Variants in MTREX observed in about 807,000 individuals in gnomAD.
MTREX encodes Mtr4 exosome RNA helicase, also known as exosome RNA helicase MTR4.
MTREX carries 76 observed loss-of-function variants against 135.4 expected under a neutral mutation model. That is an observed-to-expected ratio of 0.56 (90% CI 0.47 to 0.68). MTREX has a LOEUF of 0.68. MTREX is among the 30% of genes least tolerant of loss of function. The pLI, the probability that MTREX is intolerant of heterozygous loss-of-function variation, is 0.00. For synonymous variants in MTREX, 404 were observed against 401.6 expected (o/e 1.01, Z -0.07); for missense variants, 920 against 1,262.1 (o/e 0.73, Z 4.11).
chr5:55,333,863 AG>A (rs778879755), intron 5 of MTREX, among the ~76,000 whole-genome samples: 22 of 152,150 alleles, frequency 1.4e-4, no homozygotes, highest in Non-Finnish European at 2.9e-4. Context: ...GTACCCCCAA[AG>A]AATTGATAAC....
rs181188186 is a variant in MTREX at position 55,383,142 on chromosome 5, A to G, written c.2052+3947A>G. The stretch of plus-strand genomic sequence containing the variant: ...TACTGCCAAGATACTATATTTTGGT[A>G]TGTTACAGGCTCAATAATATAATGT... On this transcript the variant is annotated intron_variant, in intron 18 of 26. Transcript: ENST00000230640. Among the ~76,000 whole-genome samples the G allele has an allele frequency of 1.0e-3, 159 of 152,302 alleles. 1 individual carries two copies. Among genetic ancestry groups the G allele is most frequent in the African/African-American group, 3.7e-3 (153 of 41,562 alleles).
chr5:55,387,981 C>G lies in MTREX; in HGVS notation c.2060C>G (p.Ser687Cys). 2 of 1,590,076 alleles carry G rather than the reference C, an allele frequency of 1.3e-6. No homozygotes were observed. Among genetic ancestry groups the G allele is most frequent in the Non-Finnish European group, 8.6e-7 (1 of 1,164,444 alleles). ...FSKKSNVKPN[S>C]GELDPLYVVE... Reference sequence around the variant, plus strand: ...TTCTGTTTTGTTTTTTAGCCTAACTCTGGTGAACTGGATCCTTTGTATGTA... The same window carrying G: ...TTCTGTTTTGTTTTTTAGCCTAACTGTGGTGAACTGGATCCTTTGTATGTA... The change falls in exon 19 of 27, where the codon TCT (serine) becomes TGT (cysteine). Residue 687 changes from serine (S) to cysteine (C), a missense_variant. By Grantham distance (112) the Ser-to-Cys change is moderately radical. This residue lies in a region of MTREX where 467 missense variants were observed against 589.7 expected (regional missense o/e 0.79). Transcript: ENST00000230640.
At position 55,425,178 on chromosome 5, in the gene MTREX, C is replaced by A; in HGVS notation, c.*406C>A. ...AATCATTTTCCTTTAGAAAACAGGC[C>A]AGCTTCACCTGGGCACCCTGCTGCC... On this transcript the variant is annotated 3_prime_UTR_variant, in exon 27 of 27. Coordinates refer to ENST00000230640, the MANE Select transcript of MTREX (RefSeq NM_015360.5). The A allele has an allele frequency of 6.3e-7, 1 of 1,596,798 alleles. No individual in the cohort carries two copies.
In MTREX at chr5:55,344,437, T is replaced by G. The variant is rs900365137; in HGVS notation, c.907-85T>G. ...GAAATGTTGAATTCATTACTTGATT[T>G]TCTTAAGATCTTTTAGGTTGGACTA... On this transcript the variant is annotated intron_variant, in intron 8 of 26. Transcript: ENST00000230640. 1.1e-5 allele frequency: 9 copies of G among 847,166 alleles called. No homozygotes were observed. In the Middle Eastern group the frequency reaches 7.5e-4, roughly 71 times the overall value. The allele number at this position is 847,166 out of a possible 1,614,324, so 52.5% of individuals were successfully genotyped here.
At chr5:55,384,951 G>A (rs1750454120) in intron 18 of MTREX, among the ~76,000 whole-genome samples, 2 of 152,126 alleles carry the variant, frequency 1.3e-5, no homozygotes, top group South Asian at 2.1e-4. Flanking sequence ...GTACAATTTA[G>A]CCTATATCTC....
At chr5:55,387,137 T>C (rs1403429281) in intron 18 of MTREX, among the ~76,000 whole-genome samples, 2 of 152,110 alleles carry the variant, frequency 1.3e-5, no homozygotes, top group Non-Finnish European at 2.9e-5. Context: ...ATTGGAAAAA[T>C]AGAGTGTATG....
At chr5:55,410,453 G>A (rs954070599) in intron 22 of MTREX, 71 bp from the exon 23 acceptor site, 39 of 748,144 alleles carry the variant, frequency 5.2e-5, no homozygotes, top group Middle Eastern at 2.4e-4. Context: ...AAAACTACAC[G>A]TTAAGGGCAT....
chr5:55,315,458 T>C (rs1459398477), intron 1 of MTREX, among the ~76,000 whole-genome samples: 1 of 152,210 alleles, frequency 6.6e-6, no homozygotes, highest in Non-Finnish European at 1.5e-5. Context: ...ATTTTCATTG[T>C]GTTAAACAGA....
intron 1 of MTREX, among the ~76,000 whole-genome samples, chr5:55,311,680 C>T (rs953871912): frequency 2.6e-5 from 4 of 152,150 alleles, no homozygotes; most frequent in Admixed American, 2.6e-4. Context: ...TAAAATATGA[C>T]TTGTCAGAAT....
intron 1 of MTREX, among the ~76,000 whole-genome samples, chr5:55,315,889 CTCACA>C (rs1024071371): frequency 1.3e-5 from 2 of 151,052 alleles, no homozygotes; most frequent in Admixed American, 1.3e-4. Flanking sequence ...CTGTGGAACG[CTCACA>C]TCATTGTTTT....
chr5:55,391,107 G>A (rs1750559221), intron 19 of MTREX, among the ~76,000 whole-genome samples: 1 of 151,866 alleles, frequency 6.6e-6, no homozygotes, highest in South Asian at 2.1e-4. Context: ...GATGGATTAG[G>A]GATCCTTCCT....
intron 10 of MTREX, among the ~76,000 whole-genome samples, chr5:55,345,809 A>G (rs975519372): frequency 2.6e-5 from 4 of 151,726 alleles, no homozygotes; most frequent in Non-Finnish European, 4.4e-5. Context: ...CTGGGATTAT[A>G]GGCACCTGCC....
At chr5:55,357,731 T>A (rs960475529) in intron 14 of MTREX, among the ~76,000 whole-genome samples, 11 of 152,182 alleles carry the variant, frequency 7.2e-5, no homozygotes, top group African/African-American at 2.7e-4. Flanking sequence ...ACAGTTTTTT[T>A]AAAAGAATCT....
chr5:55,333,801 T>G (rs2061481682), intron 5 of MTREX, among the ~76,000 whole-genome samples: 1 of 152,138 alleles, frequency 6.6e-6, no homozygotes, highest in African/African-American at 2.4e-5. Context: ...TGTAATGTGT[T>G]TGTTATAATG....
intron 1 of MTREX, among the ~76,000 whole-genome samples, chr5:55,316,474 T>C (rs1749200085): frequency 6.6e-6 from 1 of 152,132 alleles, no homozygotes; most frequent in Non-Finnish European, 1.5e-5. Flanking sequence ...CAAGGTTGGT[T>C]CAACATGCAA....
intron 16 of MTREX, among the ~76,000 whole-genome samples, chr5:55,375,704 T>C (rs896664951): frequency 9.2e-5 from 14 of 152,134 alleles, no homozygotes; most frequent in Admixed American, 9.2e-4. Flanking sequence ...GCATAGGAAA[T>C]CACAAGGGTA....
intron 1 of MTREX, among the ~76,000 whole-genome samples, chr5:55,314,301 C>G (rs538694412): frequency 6.6e-6 from 1 of 152,168 alleles, no homozygotes; most frequent in Non-Finnish European, 1.5e-5. Flanking sequence ...ATGTCCCAAT[C>G]CCTAGAACGT....
rs374676865 is a variant in MTREX, at chr5:55,344,524, T to G, written c.909T>G (p.Pro303=). The G allele has an allele frequency of 6.2e-7, 1 of 1,601,362 alleles. No individual in the cohort carries two copies. Among genetic ancestry groups the G allele is most frequent in the Non-Finnish European group, 8.6e-7 (1 of 1,169,340 alleles). The change falls in exon 9 of 27, where the codon CCT becomes CCG. Residue 303 remains proline (P), a splice_region_variant and synonymous_variant. Transcript: ENST00000230640. The part of the protein sequence containing the change: ...AEWICHLHKQ[P]CHVIYTDYRP... ...TGTTTAATTCTTTCTTTTTACAGCCTTGTCATGTTATTTACACAGATTATC... is the reference window on the plus strand; with the variant it reads ...TGTTTAATTCTTTCTTTTTACAGCCGTGTCATGTTATTTACACAGATTATC...
At chr5:55,406,277 G>C (rs1750803798) in intron 22 of MTREX, among the ~76,000 whole-genome samples, 1 of 152,178 alleles carries the variant, frequency 6.6e-6, no homozygotes, top group Admixed American at 6.5e-5. Context: ...CTGTCCCCCA[G>C]GATTGCCGTC....
Sources: gnomAD v4.1 joint callset for allele counts (sites outside exome capture counted in the v4.1 genomes callset) on GRCh38, gnomAD v4.1.1 for gene constraint, gnomAD v4.1.1 regional missense constraint, MANE v1.5 for transcripts, NCBI Gene and HGNC (gene_info 2026-07-23, HGNC 2026-07-21) for gene names.